Variants in MCPH1 observed in about 807,000 individuals in gnomAD.
The protein encoded by MCPH1 is microcephalin 1.
MCPH1 carries 104 observed loss-of-function variants against 84.5 expected under a neutral mutation model. That is an observed-to-expected ratio of 1.23 (90% CI 1.05 to 1.45). The LOEUF is 1.45. Among genes scored for constraint, MCPH1 ranks in the 40% most tolerant of loss-of-function variants. The probability of loss-of-function intolerance (pLI) is 0.00; values close to 1 mark genes in which losing one functional copy is unlikely to be tolerated. For missense variants in MCPH1, 1,498 were observed against 1,005.7 expected (o/e 1.49, Z -6.62); for synonymous variants, 514 against 366.8 (o/e 1.40, Z -4.58).
rs374999485 is a variant in MCPH1, at chr8:6,423,185, C to CTTTTTTTTTTTTTT, written c.233+8306_233+8307insTTTTTTTTTTTTTT. On this transcript the variant is annotated intron_variant, in intron 3 of 13. Transcript: ENST00000344683. ...CTTAATCTTTTGGCATTTTTCTTTT[C>CTTTTTTTTTTTTTT]TTTTCTTTTTTTTTTTTTTTTTGAA... Among the ~76,000 whole-genome samples the CTTTTTTTTTTTTTT allele has an allele frequency of 1.7e-4, 19 of 110,784 alleles. 1 individual carries two copies. Among genetic ancestry groups the CTTTTTTTTTTTTTT allele is most frequent in the Non-Finnish European group, 3.2e-4 (17 of 53,088 alleles). 72.7% of individuals were successfully genotyped at this position (110,784 alleles called of 152,430 possible).
At chr8:6,629,018 C>G (rs1433050244) in intron 13 of MCPH1, among the ~76,000 whole-genome samples, 1 of 152,208 alleles carries the variant, frequency 6.6e-6, no homozygotes, top group Non-Finnish European at 1.5e-5. Context: ...ATGTTATGGG[C>G]TGAATTTTGT....
intron 12 of MCPH1, among the ~76,000 whole-genome samples, chr8:6,552,356 G>A (rs1248861086): frequency 3.3e-5 from 5 of 152,214 alleles, no homozygotes; most frequent in Non-Finnish European, 7.3e-5. Flanking sequence ...TACTGGAGCA[G>A]TTTCCACAGA....
chr8:6,472,173 A>C (rs1430268940), intron 9 of MCPH1, among the ~76,000 whole-genome samples: 1 of 152,256 alleles, frequency 6.6e-6, no homozygotes, highest in Non-Finnish European at 1.5e-5. Context: ...ATAACAAAAT[A>C]GTCCCAAGAC....
chr8:6,626,410 A>G (rs1389403409), intron 13 of MCPH1: 19 of 984,592 alleles, frequency 1.9e-5, no homozygotes, highest in Admixed American at 6.2e-5. Context: ...TACTTGGGCC[A>G]AGATTCTTGA....
intron 12 of MCPH1, among the ~76,000 whole-genome samples, chr8:6,602,224 G>GC (rs1829428168): frequency 6.6e-6 from 1 of 152,232 alleles, no homozygotes; most frequent in Non-Finnish European, 1.5e-5. Context: ...GCAACAAGGG[G>GC]CCAGCCCGTG....
intron 12 of MCPH1, among the ~76,000 whole-genome samples, chr8:6,593,767 G>C (rs1469987111): frequency 6.6e-6 from 1 of 152,224 alleles, no homozygotes; most frequent in South Asian, 2.1e-4. Flanking sequence ...ATGAGGTCAT[G>C]TTATAAAATT....
At chr8:6,627,577 C>A (rs944344494) in intron 13 of MCPH1, among the ~76,000 whole-genome samples, 3 of 152,208 alleles carry the variant, frequency 2.0e-5, no homozygotes, top group African/African-American at 7.2e-5. Context: ...ATGTCGACAT[C>A]TGAGATGTTT....
At chr8:6,482,453 G>T (rs764219054) in intron 11 of MCPH1, among the ~76,000 whole-genome samples, 2 of 152,210 alleles carry the variant, frequency 1.3e-5, no homozygotes, top group Non-Finnish European at 2.9e-5. Context: ...AATAACTCTA[G>T]CATCAGTGAA....
chr8:6,455,883 C>T (rs1451048956), intron 9 of MCPH1, among the ~76,000 whole-genome samples: 1 of 152,046 alleles, frequency 6.6e-6, no homozygotes, highest in African/African-American at 2.4e-5. Context: ...GTAGTGAAAC[C>T]TGAATTCAGA....
chr8:6,408,131 T>C (rs1023988025), intron 1 of MCPH1, among the ~76,000 whole-genome samples: 1 of 151,572 alleles, frequency 6.6e-6, no homozygotes, highest in Non-Finnish European at 1.5e-5. Flanking sequence ...GGAAAGCAAC[T>C]AATTTTACAA....
intron 9 of MCPH1, among the ~76,000 whole-genome samples, chr8:6,456,583 C>T (rs1805704956): frequency 6.6e-6 from 1 of 152,150 alleles, no homozygotes; most frequent in Admixed American, 6.5e-5. Flanking sequence ...ACCCTTTACC[C>T]TCTGCCAGTG....
intron 11 of MCPH1, chr8:6,494,644 A>G (rs371112246): frequency 1.2e-4 from 18 of 152,380 alleles, no homozygotes; most frequent in African/African-American, 4.1e-4. Context: ...GGAGCCAGAC[A>G]CAAAAAGCAC....
intron 12 of MCPH1, chr8:6,527,593 G>T: frequency 1.2e-6 from 2 of 1,613,868 alleles, no homozygotes; most frequent in Non-Finnish European, 1.7e-6. Flanking sequence ...CACTGGTCTG[G>T]TCCAAAATCT....
At chr8:6,480,952 C>T in intron 11 of MCPH1, 76 bp downstream of exon 11, 1 of 1,534,162 alleles carries the variant, frequency 6.5e-7, no homozygotes, top group African/African-American at 1.4e-5. Flanking sequence ...GTGCCGACAT[C>T]AGCACTCAGG....
chr8:6,509,171 C>A, intron 12 of MCPH1: 1 of 1,369,208 alleles, frequency 7.3e-7, no homozygotes, highest in South Asian at 1.4e-5. Flanking sequence ...GTTCTGTACT[C>A]GTTAATGGAC....
At chr8:6,423,437 T>A (rs1399879929) in intron 3 of MCPH1, among the ~76,000 whole-genome samples, 2 of 152,134 alleles carry the variant, frequency 1.3e-5, no homozygotes, top group Non-Finnish European at 2.9e-5. Context: ...AGTGCTGGGA[T>A]TACTGGCATG....
At chr8:6,475,121 C>A (rs1007924502) in intron 9 of MCPH1, among the ~76,000 whole-genome samples, 1 of 152,228 alleles carries the variant, frequency 6.6e-6, no homozygotes, top group African/African-American at 2.4e-5. Context: ...AGAGCTATCA[C>A]ATTCTCACTT....
At chr8:6,409,233 T>C in intron 1 of MCPH1, 46 bp from the exon 2 acceptor site, 1 of 1,464,868 alleles carries the variant, frequency 6.8e-7, no homozygotes, top group South Asian at 1.1e-5. Context: ...GGGCAGGGGA[T>C]GCTGGAATTT....
chr8:6,455,273 T>C, intron 9 of MCPH1, 21 bp downstream of exon 9: 1 of 1,521,162 alleles, frequency 6.6e-7, no homozygotes, highest in African/African-American at 1.4e-5. Context: ...AAAAATATTA[T>C]TTTAAACTTT....
Sources: gnomAD v4.1 joint callset for allele counts (sites outside exome capture counted in the v4.1 genomes callset) on GRCh38, gnomAD v4.1.1 for gene constraint, MANE v1.5 for transcripts, NCBI Gene and HGNC (gene_info 2026-07-23, HGNC 2026-07-21) for gene names.